Variants in CDYL observed in about 807,000 individuals in gnomAD.
CDYL encodes the protein chromodomain Y like.
Under a neutral mutation model 47.3 loss-of-function variants are expected in CDYL, and 8 were observed. The ratio of observed to expected loss-of-function variants is 0.17; its 90% CI spans 0.10 to 0.31. The LOEUF is 0.31. Ranked by LOEUF, CDYL falls within the 10% of genes least tolerant of loss-of-function variation. The pLI is 1.00. For missense variants in CDYL, 471 were observed against 701.4 expected, an observed-to-expected ratio of 0.67 and a Z score of 3.71; for synonymous variants, 266 against 265.0, an observed-to-expected ratio of 1.00 and a Z score of -0.04.
chr6:4,815,741 G>T (rs911179548), intron 1 of CDYL, among the ~76,000 whole-genome samples: 2 of 130,186 alleles, frequency 1.5e-5, no homozygotes, highest in East Asian at 2.1e-4. Context: ...AATGTTCTTC[G>T]ATCAGGCAGT....
At position 4,922,482 on chromosome 6, in the gene CDYL, G is replaced by A. The variant is rs140287902; in HGVS notation, c.692-13033G>A. ...ATAAATACAAGCAGTACAAGAACCAGCAGTTAAAGTGTGTCTACATTGGAG... is the reference window on the plus strand; with the variant it reads ...ATAAATACAAGCAGTACAAGAACCAACAGTTAAAGTGTGTCTACATTGGAG... On this transcript the variant is annotated intron_variant, in intron 2 of 6. Coordinates refer to ENST00000397588, the MANE Select transcript of CDYL (RefSeq NM_004824.4). 3.3e-3 allele frequency among the ~76,000 whole-genome samples: 503 copies of A among 152,342 alleles called. 1 individual carries two copies. The highest frequency in any genetic ancestry group is 0.011 in the African/African-American group (460 of 41,580).
intron 1 of CDYL, among the ~76,000 whole-genome samples, chr6:4,809,774 T>G (rs1253028841): frequency 1.3e-4 from 2 of 15,290 alleles, no homozygotes; most frequent in Non-Finnish European, 2.4e-4. Context: ...GTAGGGGTAT[T>G]ATATTAGTCC....
intron 3 of CDYL, among the ~76,000 whole-genome samples, chr6:4,762,830 A>T (rs1220145390): frequency 1.3e-5 from 2 of 152,136 alleles, no homozygotes; most frequent in Non-Finnish European, 2.9e-5. Context: ...ACATACGTTC[A>T]TTGGAAACTC....
intron 2 of CDYL, among the ~76,000 whole-genome samples, chr6:4,723,255 G>A (rs538489247): frequency 5.3e-4 from 81 of 152,268 alleles, no homozygotes; most frequent in African/African-American, 1.9e-3. Flanking sequence ...GGAGGATGAA[G>A]TTTTATACGC....
chr6:4,769,861 A>T (rs1758309769), intron 3 of CDYL, among the ~76,000 whole-genome samples: 1 of 151,942 alleles, frequency 6.6e-6, no homozygotes, highest in Admixed American at 6.5e-5. Context: ...CAGTGGCGCG[A>T]TCTCGGCTCA....
intron 1 of CDYL, among the ~76,000 whole-genome samples, chr6:4,884,948 C>G (rs189652800): frequency 2.0e-5 from 3 of 152,220 alleles, no homozygotes; most frequent in East Asian, 3.9e-4. Flanking sequence ...TACCCGTGTT[C>G]AACCATGGCC....
chr6:4,860,582 G>A (rs1373933471), intron 1 of CDYL, among the ~76,000 whole-genome samples: 1 of 145,124 alleles, frequency 6.9e-6, no homozygotes, highest in African/African-American at 2.6e-5. Flanking sequence ...TGTATATTAT[G>A]TATAATATAC....
intron 4 of CDYL, among the ~76,000 whole-genome samples, chr6:4,938,264 A>C (rs1251619712): frequency 6.6e-6 from 1 of 150,424 alleles, no homozygotes; most frequent in African/African-American, 2.4e-5. Context: ...AAATACAAGT[A>C]GTGCACATTC....
At chr6:4,856,975 C>G (rs1252780355) in intron 1 of CDYL, among the ~76,000 whole-genome samples, 1 of 152,182 alleles carries the variant, frequency 6.6e-6, no homozygotes, top group Non-Finnish European at 1.5e-5. Flanking sequence ...CTGGCAGTTC[C>G]TTTCTCAGCC....
intron 2 of CDYL, among the ~76,000 whole-genome samples, chr6:4,732,435 C>T (rs1052768575): frequency 6.6e-6 from 1 of 152,094 alleles, no homozygotes; most frequent in African/African-American, 2.4e-5. Flanking sequence ...TGGAGGATCA[C>T]TTGAGGCAAG....
At chr6:4,805,389 C>T (rs1028866716) in intron 1 of CDYL, among the ~76,000 whole-genome samples, 1 of 152,172 alleles carries the variant, frequency 6.6e-6, no homozygotes, top group Non-Finnish European at 1.5e-5. Context: ...GGGCTCAGAG[C>T]CACACTGGTA....
intron 3 of CDYL, among the ~76,000 whole-genome samples, chr6:4,758,351 A>ATATATATATATATATATATATATAT (rs1758108099): frequency 1.1e-4 from 14 of 129,052 alleles, no homozygotes; most frequent in African/African-American, 3.7e-4. Flanking sequence ...AAAATAAATA[A>ATATATATATATATATATATATATAT]ATATATATAT....
intron 3 of CDYL, among the ~76,000 whole-genome samples, chr6:4,751,956 A>G (rs1440506082): frequency 1.3e-5 from 2 of 152,196 alleles, no homozygotes; most frequent in East Asian, 3.8e-4. Context: ...AGTACTGGGC[A>G]AGGCCACAGC....
At chr6:4,879,407 A>G (rs1370081294) in intron 1 of CDYL, among the ~76,000 whole-genome samples, 1 of 152,208 alleles carries the variant, frequency 6.6e-6, no homozygotes, top group Non-Finnish European at 1.5e-5. Flanking sequence ...ACCTTATAAT[A>G]AAGAAATGTC....
At chr6:4,748,271 C>T (rs1194846394) in intron 3 of CDYL, among the ~76,000 whole-genome samples, 3 of 152,104 alleles carry the variant, frequency 2.0e-5, no homozygotes, top group Admixed American at 6.6e-5. Context: ...CACAGTGGCT[C>T]ATGCAGTTGG....
chr6:4,760,621 A>G (rs1001828413), intron 3 of CDYL, among the ~76,000 whole-genome samples: 1 of 152,176 alleles, frequency 6.6e-6, no homozygotes, highest in Non-Finnish European at 1.5e-5. Context: ...GTTGCCTAGA[A>G]AAAGGTCTAT....
intron 5 of CDYL, among the ~76,000 whole-genome samples, chr6:4,950,931 C>A (rs1356052159): frequency 1.9e-3 from 236 of 124,278 alleles, no homozygotes; most frequent in Middle Eastern, 3.8e-3. Flanking sequence ...GACTCCGTCT[C>A]AAAAAAAAAA....
chr6:4,801,666 G>T (rs1405226531), intron 1 of CDYL, among the ~76,000 whole-genome samples: 6 of 152,038 alleles, frequency 3.9e-5, no homozygotes, highest in African/African-American at 1.4e-4. Context: ...TTGAAAGTTG[G>T]CTAAGGATCT....
intron 2 of CDYL, among the ~76,000 whole-genome samples, chr6:4,925,498 G>A (rs1167193634): frequency 3.7e-5 from 5 of 133,748 alleles, no homozygotes; most frequent in Admixed American, 8.9e-5. Flanking sequence ...TGCAAGCTCC[G>A]CCTCCCAGGT....
Sources: gnomAD v4.1 joint callset for allele counts (sites outside exome capture counted in the v4.1 genomes callset) on GRCh38, gnomAD v4.1.1 for gene constraint, MANE v1.5 for transcripts, NCBI Gene and HGNC (gene_info 2026-07-23, HGNC 2026-07-21) for gene names.